RP1: variants seen among roughly 807,000 people sequenced by gnomAD.
The protein encoded by RP1 is RP1 axonemal microtubule associated.
In RP1, 16 loss-of-function variants were observed where a neutral mutation model predicts 14.8. The observed-to-expected ratio is 1.08, with a 90% CI of 0.73 to 1.65. The LOEUF (loss-of-function observed/expected upper bound fraction) is 1.65, where lower values mean the gene tolerates loss of function less well. RP1 is among the 40% of genes most tolerant of loss of function. RP1 has a pLI of 0.00. For missense variants in RP1, 2,631 were observed against 2,535.0 expected (o/e 1.04, Z -0.81); for synonymous variants, 876 against 883.6 (o/e 0.99, Z 0.15).
intron 24 of RP1, among the ~76,000 whole-genome samples, chr8:54,792,498 C>T (rs138045135): frequency 6.3e-4 from 96 of 151,994 alleles, no homozygotes; most frequent in African/African-American, 2.2e-3. Flanking sequence ...ATTGAAATTA[C>T]ATCAAGTATC....
intron 24 of RP1, among the ~76,000 whole-genome samples, chr8:54,822,815 A>T (rs754258356): frequency 4.6e-5 from 7 of 152,204 alleles, no homozygotes; most frequent in Non-Finnish European, 1.0e-4. Context: ...TTAGCCAAAT[A>T]CCTAGAGGAG....
At chr8:54,860,025 C>A (rs1812306730) in intron 27 of RP1, among the ~76,000 whole-genome samples, 1 of 152,138 alleles carries the variant, frequency 6.6e-6, no homozygotes, top group South Asian at 2.1e-4. Flanking sequence ...AAAACTGCCA[C>A]CACAACATCA....
intron 24 of RP1, among the ~76,000 whole-genome samples, chr8:54,802,390 A>G (rs1406727843): frequency 1.3e-5 from 2 of 152,236 alleles, no homozygotes; most frequent in African/African-American, 2.4e-5. Context: ...GGCATTCAAT[A>G]GAAAATGTTA....
chr8:54,591,261 T>C (rs1426841413), intron 1 of RP1, among the ~76,000 whole-genome samples: 1 of 152,132 alleles, frequency 6.6e-6, no homozygotes, highest in Non-Finnish European at 1.5e-5. Context: ...CCCTAAAAAA[T>C]CTGGCCTCTT....
In RP1 at chr8:54,590,914, C is replaced by T. The variant is rs756986211; in HGVS notation, c.-12-30041C>T. ...CACTCTCCTCTTCTCAAGCCTTCCCCGTATCAGTAAATGGTCCTACCATTC... is the reference window on the plus strand; with the variant it reads ...CACTCTCCTCTTCTCAAGCCTTCCCTGTATCAGTAAATGGTCCTACCATTC... On this transcript the variant is annotated intron_variant, in intron 1 of 22. Coordinates refer to the RP1 transcript ENST00000636932. 1.8e-4 allele frequency among the ~76,000 whole-genome samples: 28 copies of T among 152,180 alleles called. 1 individual carries two copies. The highest frequency in any genetic ancestry group is 1.5e-3 in the Admixed American group (23 of 15,282).
intron 6 of RP1, among the ~76,000 whole-genome samples, chr8:54,662,905 A>G (rs977766744): frequency 6.6e-6 from 1 of 152,154 alleles, no homozygotes; most frequent in African/African-American, 2.4e-5. Context: ...GGGTTACTCC[A>G]TATTACCTGG....
At chr8:54,793,586 A>T (rs1285647316) in intron 24 of RP1, among the ~76,000 whole-genome samples, 1 of 151,994 alleles carries the variant, frequency 6.6e-6, no homozygotes, top group African/African-American at 2.4e-5. Flanking sequence ...TAATGTGATC[A>T]TCTCAACAGA....
chr8:54,774,127 T>C (rs1392163662), downstream of RP1, among the ~76,000 whole-genome samples: 4 of 152,200 alleles, frequency 2.6e-5, no homozygotes, highest in Non-Finnish European at 4.4e-5. Flanking sequence ...TATTGCCTTT[T>C]ACTCCGATCA....
chr8:54,867,554 G>T (rs1812485090), intron 28 of RP1, among the ~76,000 whole-genome samples: 1 of 152,122 alleles, frequency 6.6e-6, no homozygotes, highest in Non-Finnish European at 1.5e-5. Flanking sequence ...ATTTTGCAGG[G>T]TTGTTTGAGG....
chr8:54,610,987 A>T (rs536973109), intron 1 of RP1, among the ~76,000 whole-genome samples: 1 of 152,254 alleles, frequency 6.6e-6, no homozygotes, highest in East Asian at 1.9e-4. Flanking sequence ...CCTCATTTTT[A>T]AAAGACAGTT....
intron 17 of RP1, among the ~76,000 whole-genome samples, chr8:54,731,448 C>T (rs551127365): frequency 6.6e-6 from 1 of 152,200 alleles, no homozygotes; most frequent in South Asian, 2.1e-4. Flanking sequence ...AAAGCAACTG[C>T]TTTTATGGTT....
intron 6 of RP1, among the ~76,000 whole-genome samples, chr8:54,659,846 C>G (rs1398984361): frequency 1.3e-5 from 2 of 152,090 alleles, no homozygotes; most frequent in Non-Finnish European, 2.9e-5. Flanking sequence ...GTCTTCTAAC[C>G]TACAAACTTG....
chr8:54,706,789 A>AGACC, intron 15 of RP1: 1 of 866,636 alleles, frequency 1.2e-6, no homozygotes, highest in Admixed American at 2.3e-5. Flanking sequence ...TGGTATTTTT[A>AGACC]ATAAGTGAGG....
chr8:54,695,009 G>T (rs1465257302), intron 12 of RP1, among the ~76,000 whole-genome samples: 9 of 151,918 alleles, frequency 5.9e-5, no homozygotes, highest in Non-Finnish European at 1.2e-4. Context: ...CAGAGATTCT[G>T]GTATGTTGCG....
chr8:54,633,733 C>CTATATATATATATATA (rs1461408412), downstream of RP1, among the ~76,000 whole-genome samples: 1 of 130,128 alleles, frequency 7.7e-6, no homozygotes, highest in African/African-American at 3.1e-5. Flanking sequence ...CTCTCTCTCT[C>CTATATATATATATATA]TCTCTATATA....
chr8:54,625,789 C>T lies in RP1; in HGVS notation c.1907C>T (p.Ser636Phe), dbSNP rs765425075. Residue 636 changes from serine (S) to phenylalanine (F), a missense_variant, in exon 4 of 4, where the codon TCT (serine) becomes TTT (phenylalanine). By Grantham distance (155) the Ser-to-Phe change is radical (BLOSUM62 -2). Transcript: ENST00000220676. ...GAGGCTCCAGCTTCAGAAGCATCCT[C>T]TACTGTCACTGCAAGAATTGACAGA... ...ISEAPASEAS[S>F]TVTARIDRLI... 2 of 1,613,494 alleles carry T rather than the reference C, an allele frequency of 1.2e-6. No homozygotes were observed. The highest frequency in any genetic ancestry group is 2.2e-5 in the East Asian group (1 of 44,856).
chr8:54,592,991 G>A (rs951779977), intron 1 of RP1, among the ~76,000 whole-genome samples: 4 of 152,180 alleles, frequency 2.6e-5, no homozygotes, highest in Non-Finnish European at 4.4e-5. Context: ...CAGTGATTAG[G>A]AAGTACCTGG....
rs1256342099 is a variant in RP1 at position 54,629,599 on chromosome 8, C to G, written c.5717C>G (p.Ser1906Cys). The stretch of plus-strand genomic sequence containing the variant: ...CATGGTACACTTCAGGAAGCTGACT[C>G]TTTGGATAAACTGTATGCTCTTTGT... ...MIHGTLQEAD[S>C]LDKLYALCGQ... Residue 1906 changes from serine to cysteine, a missense_variant, in exon 4 of 4, where the codon TCT (serine) becomes TGT (cysteine). Ser to Cys is a moderately radical substitution (Grantham distance 112). Coordinates refer to ENST00000220676, the MANE Select transcript of RP1 (RefSeq NM_006269.2). 3.1e-6 allele frequency: 5 copies of G among 1,613,874 alleles called. No homozygotes were observed. The African/African-American group carries it at 6.7e-5, about 22-fold the overall frequency.
intron 18 of RP1, among the ~76,000 whole-genome samples, chr8:54,738,016 T>C (rs1808978865): frequency 6.6e-6 from 1 of 152,204 alleles, no homozygotes; most frequent in Non-Finnish European, 1.5e-5. Context: ...TTCAGTGTCC[T>C]GGACATATTT....
Sources: allele counts gnomAD v4.1 joint callset (sites outside exome capture counted in the v4.1 genomes callset), GRCh38; gene constraint gnomAD v4.1.1; transcripts MANE v1.5; gene names NCBI Gene and HGNC (gene_info 2026-07-23, HGNC 2026-07-21).